Variants in FYB2 observed in about 807,000 individuals in gnomAD.
FYB2 encodes FYN binding protein 2.
A neutral mutation model predicts 94.1 loss-of-function variants in FYB2; 103 were observed. The ratio of observed to expected loss-of-function variants is 1.09; its 90% CI spans 0.93 to 1.29. The LOEUF is 1.29. Among genes scored for constraint, FYB2 ranks in the 50% most tolerant of loss-of-function variants. The pLI is 0.00. For synonymous variants in FYB2, 293 were observed against 287.9 expected, an observed-to-expected ratio of 1.02 and a Z score of -0.18; for missense variants, 896 against 841.5, an observed-to-expected ratio of 1.06 and a Z score of -0.80.
At chr1:56,727,656 G>C (rs537997150) in intron 15 of FYB2, among the ~76,000 whole-genome samples, 1 of 152,098 alleles carries the variant, frequency 6.6e-6, no homozygotes, top group South Asian at 2.1e-4. Context: ...TTTGAACAAG[G>C]AAATGAAAAC....
intron 9 of FYB2, among the ~76,000 whole-genome samples, chr1:56,745,016 A>AT (rs1645037105): frequency 6.6e-6 from 1 of 152,036 alleles, no homozygotes; most frequent in African/African-American, 2.4e-5. Context: ...AAGCAATAAG[A>AT]TTTTATCCTC....
rs138741178 is a variant in FYB2, at chr1:56,814,162, A to G, written c.9+5120T>C. On this transcript the variant is annotated intron_variant, in intron 1 of 19. Transcript: ENST00000343433. ...ACTCTGAAGAAGAGAATGTGCATGGAGATGCAGCAGGCTAGGAAACTGGAA... is the reference window on the plus strand; with the variant it reads ...ACTCTGAAGAAGAGAATGTGCATGGGGATGCAGCAGGCTAGGAAACTGGAA... Among the ~76,000 whole-genome samples, 1,100 of 152,308 alleles carry G rather than the reference A, an allele frequency of 7.2e-3. 3 individuals are homozygous for G. The highest frequency in any genetic ancestry group is 0.02 in the Middle Eastern group (6 of 294).
chr1:56,742,324 G>C, intron 11 of FYB2, 103 bp from the exon 12 acceptor site: 1 of 795,214 alleles, frequency 1.3e-6, no homozygotes, highest in Non-Finnish European at 1.9e-6. Flanking sequence ...TAGGTACTTT[G>C]ATCTTTCTTT....
intron 1 of FYB2, among the ~76,000 whole-genome samples, chr1:56,800,588 A>G (rs762300459): frequency 6.6e-5 from 10 of 152,178 alleles, no homozygotes; most frequent in Non-Finnish European, 1.3e-4. Flanking sequence ...TACCAGCTCC[A>G]TTAAATGTGT....
chr1:56,741,114 T>TA (rs904871485), intron 12 of FYB2, among the ~76,000 whole-genome samples: 12 of 151,638 alleles, frequency 7.9e-5, no homozygotes, highest in African/African-American at 2.4e-4. Flanking sequence ...TCTGAGTCCA[T>TA]AAAAAAAATA....
chr1:56,740,258 TC>T (rs1644920217), intron 13 of FYB2, among the ~76,000 whole-genome samples: 1 of 151,816 alleles, frequency 6.6e-6, no homozygotes, highest in South Asian at 2.1e-4. Context: ...GCAGCTCATC[TC>T]CCCCTTCCAC....
At chr1:56,757,983 T>C (rs895798070) in intron 6 of FYB2, among the ~76,000 whole-genome samples, 2 of 150,534 alleles carry the variant, frequency 1.3e-5, no homozygotes, top group African/African-American at 4.9e-5. Flanking sequence ...TTCACCATGT[T>C]GCCCAGGCTG....
At chr1:56,771,086 G>A (rs1297053440) in intron 4 of FYB2, among the ~76,000 whole-genome samples, 1 of 152,122 alleles carries the variant, frequency 6.6e-6, no homozygotes, top group Non-Finnish European at 1.5e-5. Context: ...CACTGAAGTT[G>A]ATTAGTTAGT....
intron 9 of FYB2, among the ~76,000 whole-genome samples, chr1:56,748,377 T>C (rs1266313034): frequency 6.6e-6 from 1 of 152,146 alleles, no homozygotes; most frequent in Non-Finnish European, 1.5e-5. Context: ...TTTATGGTTT[T>C]AAGTTTTCCA....
intron 15 of FYB2, among the ~76,000 whole-genome samples, chr1:56,733,232 A>C (rs929644301): frequency 1.3e-5 from 2 of 152,106 alleles, no homozygotes; most frequent in African/African-American, 4.8e-5. Flanking sequence ...AGGTGTTTAT[A>C]GTATTCTGAT....
intron 2 of FYB2, among the ~76,000 whole-genome samples, chr1:56,791,180 AT>A (rs1182881709): frequency 4.0e-5 from 6 of 151,430 alleles, no homozygotes; most frequent in Admixed American, 6.6e-5. Context: ...CATTCAACAA[AT>A]TTTTTTTTAG....
intron 6 of FYB2, among the ~76,000 whole-genome samples, chr1:56,758,236 G>A (rs987865393): frequency 6.2e-4 from 95 of 152,144 alleles, no homozygotes; most frequent in African/African-American, 2.2e-3. Flanking sequence ...TTTTGCAGGT[G>A]AGGAAATGGG....
chr1:56,786,289 T>C (rs940428795), intron 4 of FYB2, among the ~76,000 whole-genome samples: 1 of 152,186 alleles, frequency 6.6e-6, no homozygotes, highest in African/African-American at 2.4e-5. Flanking sequence ...TTTTGGTTAT[T>C]ATGTAGCATT....
At chr1:56,761,521 A>G (rs1419861926) in intron 5 of FYB2, among the ~76,000 whole-genome samples, 1 of 152,204 alleles carries the variant, frequency 6.6e-6, no homozygotes, top group Non-Finnish European at 1.5e-5. Context: ...TCTTCAAAAA[A>G]TTCTCTGGGG....
intron 15 of FYB2, among the ~76,000 whole-genome samples, chr1:56,731,646 A>G (rs1160086782): frequency 6.6e-6 from 1 of 152,088 alleles, no homozygotes; most frequent in Non-Finnish European, 1.5e-5. Flanking sequence ...CATCAATCAG[A>G]CCACCAGGAA....
intron 9 of FYB2, among the ~76,000 whole-genome samples, chr1:56,749,147 G>T (rs1168114123): frequency 6.8e-6 from 1 of 147,822 alleles, no homozygotes; most frequent in African/African-American, 2.5e-5. Context: ...TCTTCATTTT[G>T]CATGGCTAGG....
upstream of FYB2, among the ~76,000 whole-genome samples, chr1:56,823,501 C>A (rs1038335609): frequency 6.6e-6 from 1 of 152,096 alleles, no homozygotes; most frequent in Non-Finnish European, 1.5e-5. Flanking sequence ...CAAGAAAGGT[C>A]TTGCTTCCAT....
chr1:56,770,694 A>C (rs1485372579), intron 4 of FYB2, among the ~76,000 whole-genome samples: 2 of 152,182 alleles, frequency 1.3e-5, no homozygotes, highest in Non-Finnish European at 2.9e-5. Context: ...TTCCAGGGAG[A>C]TAAACGCTCT....
intron 11 of FYB2, among the ~76,000 whole-genome samples, chr1:56,742,881 GATCA>G (rs1166799798): frequency 1.3e-5 from 2 of 152,052 alleles, no homozygotes; most frequent in African/African-American, 4.8e-5. Context: ...GAGATTCTAA[GATCA>G]ATCAGAGTAA....
Sources: gnomAD v4.1 joint callset for allele counts (sites outside exome capture counted in the v4.1 genomes callset) on GRCh38, gnomAD v4.1.1 for gene constraint, MANE v1.5 for transcripts, NCBI Gene and HGNC (gene_info 2026-07-23, HGNC 2026-07-21) for gene names.